EIF4E: variants seen among roughly 807,000 people sequenced by gnomAD.
EIF4E encodes the protein eukaryotic translation initiation factor 4E.
For synonymous variants in EIF4E, 71 were observed against 88.5 expected (o/e 0.80, Z 1.11); for missense variants, 113 against 265.6 (o/e 0.43, Z 3.99).
At chr4:98,895,109 A>T (rs988356734) in intron 2 of EIF4E, 1 of 152,262 alleles carries the variant, frequency 6.6e-6, no homozygotes, top group Non-Finnish European at 1.5e-5. Context: ...AACAATTATA[A>T]TAGCAACATC....
chr4:98,897,609 T>C (rs1724465221), intron 2 of EIF4E, among the ~76,000 whole-genome samples: 2 of 152,142 alleles, frequency 1.3e-5, no homozygotes, highest in Non-Finnish European at 2.9e-5. Flanking sequence ...CAATAAACAT[T>C]ACCAGTTTCA....
At chr4:98,899,026 AT>A (rs780312798) in intron 2 of EIF4E, among the ~76,000 whole-genome samples, 2 of 151,796 alleles carry the variant, frequency 1.3e-5, no homozygotes, top group African/African-American at 4.8e-5. Context: ...GAAAAGCAGT[AT>A]TTGCCTACAT....
rs546951930 is a variant in EIF4E, at chr4:98,920,024, A to G, written c.18+9071T>C. On this transcript the variant is annotated intron_variant, in intron 1 of 6. Coordinates refer to ENST00000450253, the MANE Select transcript of EIF4E (RefSeq NM_001968.5). ...ACAGCCAGTGGCTACTGTATTGGAC[A>G]GTAAAAAATACCCTTTCCATTATCT... Among the ~76,000 whole-genome samples the G allele has an allele frequency of 1.2e-4, 18 of 152,370 alleles. No homozygotes were observed. In the South Asian group the frequency reaches 3.7e-3, roughly 32 times the overall value.
intron 2 of EIF4E, among the ~76,000 whole-genome samples, chr4:98,899,660 A>G (rs1020936035): frequency 6.6e-6 from 1 of 152,204 alleles, no homozygotes; most frequent in Non-Finnish European, 1.5e-5. Flanking sequence ...TAAACCTAAT[A>G]AAATATATGG....
At chr4:98,920,546 C>T (rs148054761) in intron 1 of EIF4E, among the ~76,000 whole-genome samples, 58 of 152,232 alleles carry the variant, frequency 3.8e-4, no homozygotes, top group African/African-American at 1.3e-3. Context: ...TCGCCCATCT[C>T]AGCCTCCCAA....
chr4:98,886,543 A>G, intron 5 of EIF4E: 1 of 417,560 alleles, frequency 2.4e-6, no homozygotes, highest in South Asian at 1.7e-5. Context: ...GCAAGATCCC[A>G]TCTCTGGAAA....
intron 1 of EIF4E, among the ~76,000 whole-genome samples, chr4:98,903,093 T>C (rs1180628034): frequency 1.3e-5 from 2 of 152,190 alleles, no homozygotes; most frequent in Non-Finnish European, 2.9e-5. Context: ...CTGGGGGCAG[T>C]AATTTAAAAT....
At chr4:98,922,118 A>G (rs1041926125) in intron 1 of EIF4E, among the ~76,000 whole-genome samples, 1 of 152,212 alleles carries the variant, frequency 6.6e-6, no homozygotes, top group Non-Finnish European at 1.5e-5. Flanking sequence ...AAAGCACATT[A>G]CATGCCTACT....
chr4:98,913,691 T>G (rs964500529), intron 1 of EIF4E, among the ~76,000 whole-genome samples: 15 of 152,180 alleles, frequency 9.9e-5, no homozygotes, highest in African/African-American at 3.6e-4. Flanking sequence ...CAAAACCAGG[T>G]ATAGTCATCA....
intron 1 of EIF4E, among the ~76,000 whole-genome samples, chr4:98,922,627 T>C (rs191611814): frequency 5.4e-4 from 82 of 151,958 alleles, no homozygotes; most frequent in Non-Finnish European, 1.6e-4. Flanking sequence ...ATAGAATAAG[T>C]GCTATGTGTA....
chr4:98,900,380 G>A (rs1424840443), intron 2 of EIF4E, among the ~76,000 whole-genome samples: 2 of 151,822 alleles, frequency 1.3e-5, no homozygotes, highest in African/African-American at 4.8e-5. Flanking sequence ...TGAACCAAAG[G>A]GTCTCCTATG....
rs184932407 is a variant in EIF4E at position 98,910,349 on chromosome 4, A to G, written c.19-8367T>C. Among the ~76,000 whole-genome samples, 10 of 152,352 alleles carry G rather than the reference A, an allele frequency of 6.6e-5. No individual in the cohort carries two copies. In the East Asian group the frequency reaches 1.3e-3, roughly 21 times the overall value. On this transcript the variant is annotated intron_variant, in intron 1 of 6. Coordinates refer to ENST00000450253, the MANE Select transcript of EIF4E (RefSeq NM_001968.5). ...CATGTAAAAGTCCCTGAGACATCAT[A>G]TATCAATCATGATTCAAAAGACAGT...
At chr4:98,909,471 C>A in intron 1 of EIF4E, 1 of 554,794 alleles carries the variant, frequency 1.8e-6, no homozygotes, top group South Asian at 2.7e-5. Flanking sequence ...CAGCAGTGGT[C>A]AAAAATAATG....
At chr4:98,925,146 T>C (rs963922891) in intron 1 of EIF4E, among the ~76,000 whole-genome samples, 3 of 152,134 alleles carry the variant, frequency 2.0e-5, no homozygotes, top group African/African-American at 4.8e-5. Flanking sequence ...GTTTCCAAAG[T>C]ATAAAAAAGG....
At chr4:98,928,994 G>C (rs751459757) in intron 1 of EIF4E, 101 bp downstream of exon 1, 26 of 1,570,110 alleles carry the variant, frequency 1.7e-5, no homozygotes, top group Admixed American at 3.7e-5. Context: ...GGCGGCAAGG[G>C]GTACAGTGCG....
At chr4:98,905,449 G>A (rs1383384570) in intron 1 of EIF4E, among the ~76,000 whole-genome samples, 1 of 152,186 alleles carries the variant, frequency 6.6e-6, no homozygotes, top group African/African-American at 2.4e-5. Context: ...ATGGGATGGT[G>A]CTGTGTTCAT....
rs529822957 is a variant in EIF4E, at chr4:98,901,717, A to C, written c.125+159T>G. Among the ~76,000 whole-genome samples the C allele has an allele frequency of 2.4e-4, 36 of 152,332 alleles. 1 individual carries two copies. The South Asian group carries it at 7.3e-3, about 31-fold the overall frequency. ...CCTTTTGAACTCAAGACTCACACATAAAACTGTCTGCTGGTCATGGGTCAT... is the reference window on the plus strand; with the variant it reads ...CCTTTTGAACTCAAGACTCACACATCAAACTGTCTGCTGGTCATGGGTCAT... On this transcript the variant is annotated intron_variant, in intron 2 of 6. Transcript: ENST00000450253.
intron 5 of EIF4E, chr4:98,886,419 A>G (rs1427128737): frequency 2.3e-6 from 1 of 428,996 alleles, no homozygotes; most frequent in East Asian, 7.5e-5. Flanking sequence ...TCACTAATCT[A>G]AAAAGTTTAG....
At chr4:98,881,942 G>A (rs1389595864) in intron 6 of EIF4E, among the ~76,000 whole-genome samples, 1 of 152,032 alleles carries the variant, frequency 6.6e-6, no homozygotes, top group South Asian at 2.1e-4. Context: ...TAAATATCAC[G>A]AGGTCAAAAG....
Sources: gnomAD v4.1 joint callset for allele counts (sites outside exome capture counted in the v4.1 genomes callset) on GRCh38, gnomAD v4.1.1 for gene constraint, MANE v1.5 for transcripts, NCBI Gene and HGNC (gene_info 2026-07-23, HGNC 2026-07-21) for gene names.